The following MED27 variants were observed in gnomAD, a reference collection of about 807,000 sequenced individuals.
MED27 encodes mediator complex subunit 27.
Under a neutral mutation model 38.2 loss-of-function variants are expected in MED27, and 30 were observed. The observed-to-expected ratio is 0.79, with a 90% CI of 0.59 to 1.07. The LOEUF (loss-of-function observed/expected upper bound fraction) is 1.07, where lower values mean the gene tolerates loss of function less well. MED27 is among the 50% of genes least tolerant of loss of function. The pLI is 0.00. For synonymous variants in MED27, 122 were observed against 153.5 expected, an observed-to-expected ratio of 0.79 and a Z score of 1.52; for missense variants, 289 against 397.5, an observed-to-expected ratio of 0.73 and a Z score of 2.32.
chr9:131,944,189 G>A (rs992721749), intron 3 of MED27, among the ~76,000 whole-genome samples: 4 of 152,148 alleles, frequency 2.6e-5, no homozygotes, highest in African/African-American at 9.7e-5. Flanking sequence ...AAGTAGCCCA[G>A]CTTGCTCCTT....
intron 4 of MED27, among the ~76,000 whole-genome samples, chr9:131,904,486 G>C (rs1830014601): frequency 6.6e-6 from 1 of 151,634 alleles, no homozygotes; most frequent in Admixed American, 6.6e-5. Flanking sequence ...CTGCAGCCTG[G>C]AACTTCTGGA....
chr9:132,013,260 G>C (rs1441804330), intron 3 of MED27, among the ~76,000 whole-genome samples: 2 of 152,200 alleles, frequency 1.3e-5, no homozygotes, highest in African/African-American at 4.8e-5. Context: ...CACTGCAACA[G>C]AAAAAGGACA....
intron 2 of MED27, among the ~76,000 whole-genome samples, chr9:132,072,263 C>T (rs1291448142): frequency 2.0e-5 from 3 of 151,872 alleles, no homozygotes; most frequent in Admixed American, 6.5e-5. Context: ...TCTCAATCTT[C>T]GCTTCAACCC....
Position 132,079,676 on chromosome 9 carries a change from G to C in MED27, c.169C>G (p.Gln57Glu). 6.2e-7 allele frequency: 1 copy of C among 1,612,812 alleles called. No homozygotes were observed. Among genetic ancestry groups the C allele is most frequent in the Non-Finnish European group, 8.5e-7 (1 of 1,179,852 alleles). ...GREKAFIAHF[Q>E]DNLHSVNRDL... ...CGGTTGACCGAATGTAAGTTGTCCT[G>C]GAAGTGCGCAATAAAGGCCTTCTCC... is the stretch of plus-strand genomic sequence containing the variant. Residue 57 changes from glutamine to glutamate, a missense_variant, in exon 1 of 8, where the codon CAG becomes GAG. Gln to Glu is a conservative substitution (Grantham distance 29). Transcript: ENST00000292035.
intron 3 of MED27, among the ~76,000 whole-genome samples, chr9:131,947,095 T>C (rs891065984): frequency 6.6e-6 from 1 of 152,186 alleles, no homozygotes; most frequent in Non-Finnish European, 1.5e-5. Context: ...AAGCATGCCT[T>C]AAATATTTCC....
chr9:131,969,283 A>C (rs1831423392), intron 3 of MED27, among the ~76,000 whole-genome samples: 1 of 151,604 alleles, frequency 6.6e-6, no homozygotes, highest in Non-Finnish European at 1.5e-5. Context: ...TCAGTCTTAG[A>C]TATCAGGGAC....
chr9:131,884,210 T>C, intron 5 of MED27, 111 bp from the exon 6 acceptor site: 2 of 755,778 alleles, frequency 2.6e-6, no homozygotes, highest in East Asian at 6.0e-5. Flanking sequence ...AAAAATCTGA[T>C]TATAGAATAA....
At chr9:131,881,433 A>AAGGGAGGGAAGGAAGGAGGG (rs1474519552) in intron 6 of MED27, among the ~76,000 whole-genome samples, 1 of 152,016 alleles carries the variant, frequency 6.6e-6, no homozygotes, top group Non-Finnish European at 1.5e-5. Flanking sequence ...GAGTGGGAGG[A>AAGGGAGGGAAGGAAGGAGGG]AGGGAGGGAA....
chr9:131,925,456 C>T (rs1322388947), intron 4 of MED27, among the ~76,000 whole-genome samples: 5 of 151,888 alleles, frequency 3.3e-5, no homozygotes, highest in Non-Finnish European at 7.4e-5. Flanking sequence ...AAAACAGAAA[C>T]CCAGAAATAA....
chr9:131,922,421 C>T (rs1830409763), intron 4 of MED27, among the ~76,000 whole-genome samples: 1 of 144,632 alleles, frequency 6.9e-6, no homozygotes. Flanking sequence ...GTAGGAGGCT[C>T]CTTTCAACTG....
intron 3 of MED27, among the ~76,000 whole-genome samples, chr9:132,001,730 T>C (rs1589259181): frequency 6.6e-6 from 1 of 152,336 alleles, no homozygotes; most frequent in African/African-American, 2.4e-5. Flanking sequence ...ATCTGTGGCC[T>C]TGAGCAAGTC....
At chr9:132,030,320 C>A (rs1168592829) in intron 2 of MED27, among the ~76,000 whole-genome samples, 1 of 152,192 alleles carries the variant, frequency 6.6e-6, no homozygotes, top group Admixed American at 6.5e-5. Flanking sequence ...CAGCTTCTAA[C>A]ACTGCCATCA....
At chr9:131,877,813 AG>A (rs373311136) in intron 6 of MED27, among the ~76,000 whole-genome samples, 16 of 152,294 alleles carry the variant, frequency 1.1e-4, no homozygotes, top group Non-Finnish European at 1.8e-4. Flanking sequence ...AATTTACGCT[AG>A]GTACTCCACG....
chr9:131,930,812 G>A (rs1231266809), intron 4 of MED27, among the ~76,000 whole-genome samples: 1 of 152,158 alleles, frequency 6.6e-6, no homozygotes, highest in Non-Finnish European at 1.5e-5. Context: ...CAAGATATAG[G>A]TAGTACAATA....
At chr9:132,012,954 C>T (rs539117993) in intron 3 of MED27, among the ~76,000 whole-genome samples, 4 of 152,260 alleles carry the variant, frequency 2.6e-5, no homozygotes, top group South Asian at 2.1e-4. Context: ...AAACAATCAA[C>T]TCATATATGC....
chr9:132,027,581 T>C (rs948599609), intron 2 of MED27, among the ~76,000 whole-genome samples: 8 of 152,228 alleles, frequency 5.3e-5, no homozygotes, highest in Non-Finnish European at 1.2e-4. Flanking sequence ...ACAGCCATAA[T>C]TCCCTAGCAC....
chr9:132,068,658 G>C (rs750150870), intron 2 of MED27, among the ~76,000 whole-genome samples: 4 of 152,244 alleles, frequency 2.6e-5, no homozygotes, highest in Non-Finnish European at 4.4e-5. Context: ...CAGGGATCTG[G>C]GTAGGTGGCT....
chr9:132,076,736 C>T (rs145517973), intron 2 of MED27, among the ~76,000 whole-genome samples: 2 of 152,292 alleles, frequency 1.3e-5, no homozygotes, highest in Non-Finnish European at 2.9e-5. Context: ...CACACATGTA[C>T]GCCACACCAC....
chr9:132,058,300 C>A (rs1359163865), intron 2 of MED27, among the ~76,000 whole-genome samples: 1 of 152,114 alleles, frequency 6.6e-6, no homozygotes, highest in East Asian at 1.9e-4. Context: ...GTGTCCCTAC[C>A]CAAATATCAT....
Sources: gnomAD v4.1 joint callset for allele counts (sites outside exome capture counted in the v4.1 genomes callset) on GRCh38, gnomAD v4.1.1 for gene constraint, MANE v1.5 for transcripts, NCBI Gene and HGNC (gene_info 2026-07-23, HGNC 2026-07-21) for gene names.